The following TSPAN12 variants were observed in gnomAD, a reference collection of about 807,000 sequenced individuals.
The protein encoded by TSPAN12 is tetraspanin-12.
A neutral mutation model predicts 39.2 loss-of-function variants in TSPAN12; 19 were observed. The ratio of observed to expected loss-of-function variants is 0.49; its 90% confidence interval spans 0.34 to 0.71. The LOEUF is 0.71. Ranked by LOEUF, TSPAN12 falls within the 30% of genes least tolerant of loss-of-function variation. The probability of loss-of-function intolerance (pLI) is 0.01; values close to 1 mark genes in which losing one functional copy is unlikely to be tolerated. For synonymous variants in TSPAN12, 119 were observed against 124.8 expected, an observed-to-expected ratio of 0.95 and a Z score of 0.31; for missense variants, 314 against 359.9, an observed-to-expected ratio of 0.87 and a Z score of 1.03.
intron 7 of TSPAN12, among the ~76,000 whole-genome samples, chr7:120,804,356 G>A (rs1793830167): frequency 6.6e-6 from 1 of 152,074 alleles, no homozygotes; most frequent in African/African-American, 2.4e-5. Flanking sequence ...TTTATTAGTT[G>A]ATGATTCCTA....
chr7:120,831,882 C>T (rs1438919255), intron 4 of TSPAN12, among the ~76,000 whole-genome samples: 1 of 151,898 alleles, frequency 6.6e-6, no homozygotes, highest in Non-Finnish European at 1.5e-5. Context: ...CTAAGAATCC[C>T]ACCGTGTATA....
In TSPAN12 at chr7:120,838,819, T is replaced by C. The variant is rs1184589375; in HGVS notation, c.243A>G (p.Gly81=). The C allele has an allele frequency of 8.1e-6, 13 of 1,613,814 alleles. No homozygotes were observed. The South Asian group carries it at 1.4e-4, about 18-fold the overall frequency. ...GATTTCTTTTCACCGTTCCACAATA[T>C]CCTAACATCCCCACAATGATAAGGA... The part of the protein sequence containing the change: ...CCFLIIVGML[G]YCGTVKRNLL... The change falls in exon 4 of 8, where the codon GGA becomes GGG. Residue 81 remains glycine, a synonymous_variant. Transcript: ENST00000222747.
rs1388568006 is a variant in TSPAN12 at position 120,846,624 on chromosome 7, T to C, written c.67-6515A>G. 7.2e-5 allele frequency among the ~76,000 whole-genome samples: 11 copies of C among 152,306 alleles called. No homozygotes were observed. In the East Asian group the frequency reaches 2.1e-3, roughly 29 times the overall value. On this transcript the variant is annotated intron_variant, in intron 2 of 7. Coordinates refer to ENST00000222747, the MANE Select transcript of TSPAN12 (RefSeq NM_012338.4). ...CATTCTTCCATTCAAAAATCATATA[T>C]TGGTCACCCACTCTTTGCCAGGCAC...
chr7:120,788,645 G>T lies in TSPAN12; in HGVS notation c.865C>A (p.His289Asn). Residue 289 changes from histidine to asparagine, a missense_variant, in exon 8 of 8, where the codon CAC becomes AAC. Transcript: ENST00000222747. ...TTAAAGCTGTTTGCCATGGATGTGT[G>T]TTCAAAGATTCTTGACAGGCTTGGT... is the stretch of plus-strand genomic sequence containing the variant. The part of the protein sequence containing the change: ...LKPSLSRIFE[H>N]TSMANSFNTH... 1 of 1,614,124 alleles carries T rather than the reference G, an allele frequency of 6.2e-7. No homozygotes were observed.
At chr7:120,854,284 C>A (rs910014997) in intron 2 of TSPAN12, among the ~76,000 whole-genome samples, 2 of 152,118 alleles carry the variant, frequency 1.3e-5, no homozygotes, top group African/African-American at 2.4e-5. Flanking sequence ...GTAGTGGTAG[C>A]AATAGTAGCA....
intron 7 of TSPAN12, among the ~76,000 whole-genome samples, chr7:120,796,635 T>C (rs1344882525): frequency 1.3e-5 from 2 of 152,222 alleles, no homozygotes. Flanking sequence ...CTTTACCATG[T>C]AGTCACCATC....
At chr7:120,849,952 C>A (rs1470504687) in intron 2 of TSPAN12, among the ~76,000 whole-genome samples, 3 of 152,162 alleles carry the variant, frequency 2.0e-5, no homozygotes, top group Non-Finnish European at 2.9e-5. Context: ...GCTGGTCACA[C>A]GAGGTGAGTC....
At chr7:120,808,476 C>T (rs1793916719) in intron 6 of TSPAN12, among the ~76,000 whole-genome samples, 1 of 152,112 alleles carries the variant, frequency 6.6e-6, no homozygotes, top group African/African-American at 2.4e-5. Flanking sequence ...TGAGATAGTA[C>T]TACTCTTGCT....
Position 120,806,678 on chromosome 7 carries a change from T to A in TSPAN12, c.483A>T (p.Gly161=). 1 of 1,613,288 alleles carries A rather than the reference T, an allele frequency of 6.2e-7. No individual in the cohort carries two copies. Among genetic ancestry groups the A allele is most frequent in the Non-Finnish European group, 8.5e-7 (1 of 1,179,426 alleles). ...NFFQREFKCC[G]VVYFTDWLEM... ...CCAACCAGTCAGTGAAATATACTAC[T>A]CCACAGCACTTAAACTGCAAAAAAA... Residue 161 remains glycine (G), a synonymous_variant, in exon 7 of 8, where the codon GGA becomes GGT. Transcript: ENST00000222747.
intron 4 of TSPAN12, among the ~76,000 whole-genome samples, chr7:120,835,065 C>T (rs1794451552): frequency 6.6e-6 from 1 of 152,122 alleles, no homozygotes; most frequent in Non-Finnish European, 1.5e-5. Context: ...GTCTGTTATT[C>T]AATGATTTAA....
chr7:120,790,925 T>C (rs1584918846), intron 7 of TSPAN12, among the ~76,000 whole-genome samples: 2 of 152,350 alleles, frequency 1.3e-5, no homozygotes, highest in Admixed American at 6.5e-5. Context: ...CATGTTTAGC[T>C]GATTCCTTAC....
intron 7 of TSPAN12, among the ~76,000 whole-genome samples, chr7:120,799,525 T>G (rs1176094692): frequency 1.8e-5 from 2 of 112,382 alleles, no homozygotes; most frequent in Admixed American, 2.2e-4. Context: ...TATAATTAAT[T>G]ATATATAATT....
Position 120,849,819 on chromosome 7 carries a change from T to C in TSPAN12, c.66+6879A>G, listed in dbSNP as rs921593481. Reference sequence around the variant, plus strand: ...CTCATTGCACCTGGAACTCCTGGGCTCAACTGATCCTCCTGCCTTGGCCTC... The same window carrying C: ...CTCATTGCACCTGGAACTCCTGGGCCCAACTGATCCTCCTGCCTTGGCCTC... On this transcript the variant is annotated intron_variant, in intron 2 of 7. Transcript: ENST00000222747. Among the ~76,000 whole-genome samples the C allele has an allele frequency of 7.2e-5, 11 of 152,372 alleles. No individual in the cohort carries two copies. The South Asian group carries it at 1.0e-3, about 14-fold the overall frequency.
At position 120,840,086 on chromosome 7, in the gene TSPAN12, T is replaced by C. The variant is rs1794548922; in HGVS notation, c.90A>G (p.Ala30=). ...GGTAGTCCCTCATCCAAGCAGAAAC[T>C]GCCAACACACTGATGGACATTAACT... ...LFWLMSISVL[A]VSAWMRDYLN... is the part of the protein sequence containing the mutation. Residue 30 remains alanine (A), a synonymous_variant, in exon 3 of 8, where the codon GCA becomes GCG. Transcript: ENST00000222747. The C allele has an allele frequency of 1.2e-6, 2 of 1,613,838 alleles. No homozygotes were observed. The highest frequency in any genetic ancestry group is 1.7e-6 in the Non-Finnish European group (2 of 1,179,814).
rs566466256 is a variant in TSPAN12 at position 120,799,527 on chromosome 7, T to C, written c.612+7022A>G. 9.6e-5 allele frequency among the ~76,000 whole-genome samples: 11 copies of C among 114,962 alleles called. No homozygotes were observed. In the East Asian group the frequency reaches 1.8e-3, roughly 19 times the overall value. The allele number at this position is 114,962 out of a possible 152,430, so 75.4% of individuals were successfully genotyped here. A position where few individuals can be genotyped will look rare whatever the true frequency, so the allele number is the denominator to read the frequency against. On this transcript the variant is annotated intron_variant, in intron 7 of 7. Transcript: ENST00000222747. ...TTAATTAATTATATATAATTAATTA[T>C]ATATAATTATATATAATTATATATA...
chr7:120,807,618 CAGGTTTGACATTGCATCATA>C (rs1448366680), intron 6 of TSPAN12, among the ~76,000 whole-genome samples: 1 of 152,086 alleles, frequency 6.6e-6, no homozygotes, highest in African/African-American at 2.4e-5. Flanking sequence ...AATCTATGTC[CAGGTTTGACATTGCATCATA>C]AAATATCACA....
At chr7:120,834,935 A>C (rs942260338) in intron 4 of TSPAN12, among the ~76,000 whole-genome samples, 2 of 152,132 alleles carry the variant, frequency 1.3e-5, no homozygotes, top group African/African-American at 4.8e-5. Context: ...TTCCCCTTGT[A>C]ATCTAACCTT....
intron 2 of TSPAN12, among the ~76,000 whole-genome samples, chr7:120,846,897 T>G (rs1794680037): frequency 6.6e-6 from 1 of 152,124 alleles, no homozygotes; most frequent in Non-Finnish European, 1.5e-5. Context: ...ATTATCAAGT[T>G]ACTCAGGAAA....
intron 7 of TSPAN12, among the ~76,000 whole-genome samples, chr7:120,796,571 T>A (rs1220285004): frequency 2.0e-5 from 3 of 152,168 alleles, no homozygotes; most frequent in Non-Finnish European, 4.4e-5. Context: ...AATATCTTAG[T>A]AGAGATAAGG....
Sources: allele counts gnomAD v4.1 joint callset (sites outside exome capture counted in the v4.1 genomes callset), GRCh38; gene constraint gnomAD v4.1.1; transcripts MANE v1.5; gene names NCBI Gene and HGNC (gene_info 2026-07-23, HGNC 2026-07-21).